Variants in PLEKHA8 observed in about 807,000 individuals in gnomAD.
PLEKHA8 encodes pleckstrin homology domain-containing family A member 8.
PLEKHA8 carries 36 observed loss-of-function variants against 68.2 expected under a neutral mutation model. The observed-to-expected ratio is 0.53, with a 90% CI of 0.40 to 0.70. The LOEUF (loss-of-function observed/expected upper bound fraction) is 0.70, where lower values mean the gene tolerates loss of function less well. PLEKHA8 is among the 30% of genes least tolerant of loss of function. PLEKHA8 has a pLI of 0.00. For missense variants in PLEKHA8, 505 were observed against 615.4 expected (o/e 0.82, Z 1.90); for synonymous variants, 211 against 216.1 (o/e 0.98, Z 0.20).
chr7:30,067,142 A>G (rs1793902059), intron 12 of PLEKHA8, among the ~76,000 whole-genome samples: 1 of 152,236 alleles, frequency 6.6e-6, no homozygotes, highest in Non-Finnish European at 1.5e-5. Flanking sequence ...ATACAAGTCA[A>G]TTTGCCTTAA....
chr7:30,089,467 T>C (rs1247174576), downstream of PLEKHA8, among the ~76,000 whole-genome samples: 1 of 152,096 alleles, frequency 6.6e-6, no homozygotes, highest in East Asian at 1.9e-4. Flanking sequence ...TTCAGTGTCA[T>C]CCATTAGGAA....
At chr7:30,077,639 A>T (rs181265154) in intron 13 of PLEKHA8, among the ~76,000 whole-genome samples, 292 of 152,324 alleles carry the variant, frequency 1.9e-3, no homozygotes, top group African/African-American at 6.7e-3. Flanking sequence ...GCTTCATCTA[A>T]GTCTGTGCTT....
chr7:30,074,274 A>G lies in PLEKHA8; in HGVS notation c.1362+142A>G, dbSNP rs6966067. ...TGTGTGTGTGTGTGTGTGTGTGTGT[A>G]TGTGTGGTGTTTTTGTTTGCTTTGT... is the stretch of plus-strand genomic sequence containing the variant. On this transcript the variant is annotated intron_variant, in intron 13 of 13. Transcript: ENST00000449726. 1,653 of 312,918 alleles carry G rather than the reference A, an allele frequency of 5.3e-3. 3 individuals are homozygous for G. Among genetic ancestry groups the G allele is most frequent in the South Asian group, 0.021 (194 of 9,374 alleles). The allele number at this position is 312,918 out of a possible 1,614,324, so 19.4% of individuals were successfully genotyped here. A position where few individuals can be genotyped will look rare whatever the true frequency, so the allele number is the denominator to read the frequency against.
Position 30,115,499 on chromosome 7 carries a change from T to C in PLEKHA8, c.1363-13767T>C, listed in dbSNP as rs993211377. 9.9e-5 allele frequency among the ~76,000 whole-genome samples: 15 copies of C among 151,644 alleles called. 1 individual carries two copies. The highest frequency in any genetic ancestry group is 3.4e-4 in the African/African-American group (14 of 41,320). ...ATGTATACGTGTATGTAGACATATG[T>C]ATACATATGTACACATACACGTATA... On this transcript the variant is annotated intron_variant, in intron 13 of 13. Coordinates refer to the PLEKHA8 transcript ENST00000396257.
chr7:30,056,278 T>TTCTCTCTCTC (rs761685260), intron 9 of PLEKHA8, among the ~76,000 whole-genome samples: 1,859 of 56,342 alleles, frequency 0.033, 54 homozygotes, highest in Middle Eastern at 0.044. Flanking sequence ...TAAAGATATA[T>TTCTCTCTCTC]TCTCTCTCTC....
rs935269722 is a variant in PLEKHA8, at chr7:30,116,797, T to A, written c.1363-12469T>A. The stretch of plus-strand genomic sequence containing the variant: ...ATTGCTCTCTGAGCAAAACCTGGAA[T>A]GTCTGAAGTCGTTCCCCAACACAGT... On this transcript the variant is annotated intron_variant, in intron 13 of 13. Transcript: ENST00000396257. 3.6e-4 allele frequency among the ~76,000 whole-genome samples: 55 copies of A among 152,348 alleles called. 1 individual carries two copies. The highest frequency in any genetic ancestry group is 3.4e-3 in the Middle Eastern group (1 of 294).
intron 3 of PLEKHA8, among the ~76,000 whole-genome samples, chr7:30,047,145 CT>C (rs1792022755): frequency 6.6e-6 from 1 of 152,156 alleles, no homozygotes; most frequent in Non-Finnish European, 1.5e-5. Context: ...TTGGCCTCTT[CT>C]TTTAATGCTA....
intron 13 of PLEKHA8, chr7:30,118,059 A>G (rs571434629): frequency 2.0e-6 from 3 of 1,487,718 alleles, no homozygotes; most frequent in Middle Eastern, 1.7e-4. Context: ...ATGACCCAGC[A>G]TGAGACAGGA....
intron 10 of PLEKHA8, 30 bp downstream of exon 10, chr7:30,060,972 CTT>C (rs756423621): frequency 1.3e-6 from 2 of 1,596,318 alleles, no homozygotes; most frequent in East Asian, 2.2e-5. Flanking sequence ...TCTGTGGAAA[CTT>C]TTAAATAAAG....
downstream of PLEKHA8, among the ~76,000 whole-genome samples, chr7:30,092,162 A>G (rs569538817): frequency 5.3e-5 from 8 of 152,264 alleles, no homozygotes; most frequent in African/African-American, 1.9e-4. Flanking sequence ...TCATAGTGGG[A>G]GTCATAGTAA....
At chr7:30,099,922 A>T (rs933625829) in intron 13 of PLEKHA8, among the ~76,000 whole-genome samples, 5 of 152,226 alleles carry the variant, frequency 3.3e-5, no homozygotes, top group African/African-American at 1.2e-4. Context: ...ATCCTCTCAT[A>T]GTTCTGGAGA....
chr7:30,094,482 G>T (rs188100442), downstream of PLEKHA8, among the ~76,000 whole-genome samples: 1 of 151,544 alleles, frequency 6.6e-6, no homozygotes, highest in Non-Finnish European at 1.5e-5. Context: ...CATCACATTG[G>T]CCAGGCTGGT....
At chr7:30,060,980 T>C in intron 10 of PLEKHA8, 38 bp downstream of exon 10, 1 of 1,577,936 alleles carries the variant, frequency 6.3e-7, no homozygotes, top group Non-Finnish European at 8.7e-7. Flanking sequence ...AACTTTTAAA[T>C]AAAGGAAAAT....
chr7:30,045,025 C>T, intron 1 of PLEKHA8, 60 bp from the exon 2 acceptor site: 2 of 1,185,688 alleles, frequency 1.7e-6, no homozygotes, highest in Non-Finnish European at 2.4e-6. Context: ...ATTTCTGTAT[C>T]TTGGGAGGTA....
chr7:30,128,545 G>A (rs894007563), intron 13 of PLEKHA8, among the ~76,000 whole-genome samples: 14 of 151,774 alleles, frequency 9.2e-5, no homozygotes, highest in African/African-American at 2.7e-4. Flanking sequence ...TTTCTTTCTC[G>A]CTGTCTACTG....
rs146905029 is a variant in PLEKHA8 at position 30,129,050 on chromosome 7, C to T, written c.1363-216C>T. On this transcript the variant is annotated intron_variant, in intron 13 of 13. Coordinates refer to the PLEKHA8 transcript ENST00000396257. ...CACCACTGGGGATGAAGTTTCAACA[C>T]GAGGCTTGGAGGGTCAAATATTCAA... 2.8e-3 allele frequency among the ~76,000 whole-genome samples: 427 copies of T among 152,262 alleles called. 1 individual carries two copies. Among genetic ancestry groups the T allele is most frequent in the Admixed American group, 5.0e-3 (77 of 15,290 alleles).
intron 13 of PLEKHA8, among the ~76,000 whole-genome samples, chr7:30,121,572 T>C (rs912547884): frequency 5.3e-5 from 8 of 151,950 alleles, no homozygotes; most frequent in South Asian, 2.1e-4. Flanking sequence ...GAGGTTGCAG[T>C]GAGCAGAGAT....
rs1212927981 is a variant in PLEKHA8 at position 30,045,115 on chromosome 7, G to A, written c.71G>A (p.Gly24Glu). 2 of 1,609,416 alleles carry A rather than the reference G, an allele frequency of 1.2e-6. No homozygotes were observed. The highest frequency in any genetic ancestry group is 1.7e-5 in the Admixed American group (1 of 59,260). Residue 24 changes from glycine to glutamate, a missense_variant, in exon 2 of 14, where the codon GGG (glycine) becomes GAG (glutamate). Coordinates refer to ENST00000449726, the MANE Select transcript of PLEKHA8 (RefSeq NM_001197026.2). Reference protein sequence around the residue: ...GWQPRWFLLCGGILSYYDSPE... With the variant: ...GWQPRWFLLCEGILSYYDSPE... Reference sequence around the variant, plus strand: ...CAGCCTCGATGGTTCCTTCTCTGTGGGGGAATATTGTCCTATTATGATTCT... The same window carrying A: ...CAGCCTCGATGGTTCCTTCTCTGTGAGGGAATATTGTCCTATTATGATTCT...
chr7:30,056,278 T>TTCTCTCTCTCTCTCTC lies in PLEKHA8; in HGVS notation c.1039+956_1039+971dup, dbSNP rs761685260. 6.0e-3 allele frequency among the ~76,000 whole-genome samples: 339 copies of TTCTCTCTCTCTCTCTC among 56,364 alleles called. 2 individuals carry two copies. Among genetic ancestry groups the TTCTCTCTCTCTCTCTC allele is most frequent in the Non-Finnish European group, 6.8e-3 (191 of 28,038 alleles). 37.0% of individuals were successfully genotyped at this position (56,364 alleles called of 152,430 possible). On this transcript the variant is annotated intron_variant, in intron 9 of 13. Transcript: ENST00000449726. ...ATTTTCAAAGATTTTTAAAGATATA[T>TTCTCTCTCTCTCTCTC]TCTCTCTCTCTCTCTCTCTCTCTCT...
Sources: allele counts gnomAD v4.1 joint callset (sites outside exome capture counted in the v4.1 genomes callset), GRCh38; gene constraint gnomAD v4.1.1; transcripts MANE v1.5; gene names NCBI Gene and HGNC (gene_info 2026-07-23, HGNC 2026-07-21).